Variants in DAB1 observed in about 807,000 individuals in gnomAD.
DAB1 encodes the protein disabled homolog 1.
A neutral mutation model predicts 64.6 loss-of-function variants in DAB1; 15 were observed. That is an observed-to-expected ratio of 0.23 (90% CI 0.16 to 0.36). The LOEUF is 0.36. DAB1 is among the 10% of genes least tolerant of loss of function. The pLI, the probability that DAB1 is intolerant of heterozygous loss-of-function variation, is 1.00. For synonymous variants in DAB1, 235 were observed against 251.9 expected, an observed-to-expected ratio of 0.93 and a Z score of 0.64; for missense variants, 596 against 706.7, an observed-to-expected ratio of 0.84 and a Z score of 1.78.
intron 7 of DAB1, among the ~76,000 whole-genome samples, chr1:57,644,664 C>T (rs1048465247): frequency 1.3e-5 from 2 of 150,762 alleles, no homozygotes. Context: ...AAAATGAATA[C>T]ATTATATAAT....
At chr1:58,330,779 C>T (rs1662951639) in intron 4 of DAB1, among the ~76,000 whole-genome samples, 1 of 152,098 alleles carries the variant, frequency 6.6e-6, no homozygotes, top group African/African-American at 2.4e-5. Context: ...ATAATTTAGG[C>T]CCACTATTGA....
At chr1:57,957,753 G>A (rs1438618424) in intron 5 of DAB1, among the ~76,000 whole-genome samples, 3 of 152,124 alleles carry the variant, frequency 2.0e-5, no homozygotes, top group Non-Finnish European at 2.9e-5. Context: ...ATTGCAACAT[G>A]GGCAGAAACC....
chr1:58,498,046 A>G (rs1297005548), intron 3 of DAB1, among the ~76,000 whole-genome samples: 2 of 152,138 alleles, frequency 1.3e-5, no homozygotes, highest in African/African-American at 2.4e-5. Context: ...CTCCTCCCCT[A>G]TAAGGCCCTG....
intron 7 of DAB1, among the ~76,000 whole-genome samples, chr1:57,597,537 A>G (rs1011632126): frequency 1.4e-4 from 22 of 152,246 alleles, no homozygotes; most frequent in Non-Finnish European, 2.5e-4. Flanking sequence ...CTCTGGGCCC[A>G]CAAGGCTACG....
intron 6 of DAB1, among the ~76,000 whole-genome samples, chr1:57,687,599 CAAAAAA>C (rs57316234): frequency 6.1e-5 from 5 of 82,438 alleles, no homozygotes; most frequent in Admixed American, 1.4e-4. Context: ...TCTTAAGAAA[CAAAAAA>C]AAAAAAAAAA....
intron 5 of DAB1, among the ~76,000 whole-genome samples, chr1:58,030,975 T>G (rs139397256): frequency 1.4e-4 from 22 of 152,326 alleles, no homozygotes; most frequent in African/African-American, 5.3e-4. Context: ...AGGGAGTTCC[T>G]AAGCAGGAAG....
At chr1:57,249,905 T>C (rs1669195643) in intron 2 of DAB1, among the ~76,000 whole-genome samples, 1 of 152,256 alleles carries the variant, frequency 6.6e-6, no homozygotes, top group Non-Finnish European at 1.5e-5. Flanking sequence ...TATCCTAGTA[T>C]GTATTGCTTG....
At chr1:58,477,282 A>C (rs1645428213) in intron 3 of DAB1, among the ~76,000 whole-genome samples, 1 of 152,216 alleles carries the variant, frequency 6.6e-6, no homozygotes, top group South Asian at 2.1e-4. Context: ...TGCTAATGAA[A>C]ATTTGCTATC....
chr1:57,196,624 A>G (rs1664644443), intron 2 of DAB1, among the ~76,000 whole-genome samples: 1 of 152,202 alleles, frequency 6.6e-6, no homozygotes, highest in African/African-American at 2.4e-5. Context: ...GTCACTGTGC[A>G]CCTTTCAAAG....
In DAB1 at chr1:58,138,259, C is replaced by T. The variant is rs1654059856; in HGVS notation, n.387+12252G>A. Reference sequence around the variant, plus strand: ...AGTATAAAACTTGCCCTTAGTCATGCAGATAGTAAGTAGCAGAACCAAGAT... The same window carrying T: ...AGTATAAAACTTGCCCTTAGTCATGTAGATAGTAAGTAGCAGAACCAAGAT... On this transcript the variant is annotated intron_variant and non_coding_transcript_variant, in intron 5 of 20. Transcript: ENST00000485760. Among the ~76,000 whole-genome samples, 5 of 152,188 alleles carry T rather than the reference C, an allele frequency of 3.3e-5. No individual in the cohort carries two copies. In the South Asian group the frequency reaches 1.0e-3, roughly 32 times the overall value.
chr1:57,891,714 C>A (rs2101983142), intron 5 of DAB1, among the ~76,000 whole-genome samples: 1 of 152,242 alleles, frequency 6.6e-6, no homozygotes, highest in South Asian at 2.1e-4. Context: ...ATGGATGAAG[C>A]TGGAGGCTAT....
At chr1:58,277,786 T>C (rs1474640854) in intron 4 of DAB1, among the ~76,000 whole-genome samples, 1 of 152,250 alleles carries the variant, frequency 6.6e-6, no homozygotes, top group African/African-American at 2.4e-5. Context: ...GAAGCCTTTC[T>C]TGACCCCATA....
At chr1:57,252,718 C>T (rs572181137) in intron 2 of DAB1, among the ~76,000 whole-genome samples, 25 of 152,198 alleles carry the variant, frequency 1.6e-4, no homozygotes, top group African/African-American at 5.5e-4. Flanking sequence ...CCCAGGAAAA[C>T]GGGGGCATGT....
intron 5 of DAB1, among the ~76,000 whole-genome samples, chr1:58,109,315 C>T (rs981023226): frequency 6.6e-6 from 1 of 152,180 alleles, no homozygotes; most frequent in African/African-American, 2.4e-5. Context: ...TGAATAGGGT[C>T]AGGCCTCTGC....
At chr1:57,285,147 G>T (rs1426415474) in intron 2 of DAB1, among the ~76,000 whole-genome samples, 2 of 152,174 alleles carry the variant, frequency 1.3e-5, no homozygotes, top group African/African-American at 4.8e-5. Context: ...AAATAAGGAG[G>T]TGATGGTGAA....
rs569547607 is a variant in DAB1, at chr1:57,074,101, C to T, written c.307-1687G>A. Among the ~76,000 whole-genome samples, 8 of 152,120 alleles carry T rather than the reference C, an allele frequency of 5.3e-5. No homozygotes were observed. The East Asian group carries it at 1.6e-3, about 30-fold the overall frequency. ...CCCAGGCTGGTCTCAGACTCCTGGG[C>T]TCAAGCGATCCACCTGCCTTGGCCT... On this transcript the variant is annotated intron_variant, in intron 4 of 14. Coordinates refer to ENST00000371236, the MANE Select transcript of DAB1 (RefSeq NM_001365792.1).
chr1:57,322,825 T>C (rs1296392509), intron 1 of DAB1, among the ~76,000 whole-genome samples: 1 of 152,202 alleles, frequency 6.6e-6, no homozygotes. Context: ...CCACTGTGAA[T>C]GCACTGTTGC....
At chr1:57,163,876 G>GGCATC (rs1557843975) in intron 2 of DAB1, among the ~76,000 whole-genome samples, 36 of 152,202 alleles carry the variant, frequency 2.4e-4, no homozygotes, top group Non-Finnish European at 4.7e-4. Context: ...CAAAAGCCAA[G>GGCATC]AGAACCTGGT....
chr1:57,607,109 T>G (rs965680746), intron 7 of DAB1, among the ~76,000 whole-genome samples: 3 of 152,138 alleles, frequency 2.0e-5, no homozygotes, highest in Non-Finnish European at 4.4e-5. Flanking sequence ...TTTTTCATGA[T>G]GTGTTGGTGA....
Sources: gnomAD v4.1 joint callset for allele counts (sites outside exome capture counted in the v4.1 genomes callset) on GRCh38, gnomAD v4.1.1 for gene constraint, MANE v1.5 for transcripts, NCBI Gene and HGNC (gene_info 2026-07-23, HGNC 2026-07-21) for gene names.